The following GPALPP1 variants were observed in gnomAD, a reference collection of about 807,000 sequenced individuals.
GPALPP1 encodes GPALPP motifs-containing protein 1.
GPALPP1 carries 30 observed loss-of-function variants against 38.9 expected under a neutral mutation model. That is an observed-to-expected ratio of 0.77 (90% confidence interval 0.58 to 1.05). The LOEUF (loss-of-function observed/expected upper bound fraction) is 1.05, where lower values mean the gene tolerates loss of function less well. Among genes scored for constraint, GPALPP1 ranks in the 50% least tolerant of loss-of-function variants. GPALPP1 has a pLI of 0.00. For synonymous variants in GPALPP1, 120 were observed against 139.2 expected (o/e 0.86, Z 0.97); for missense variants, 384 against 408.8 (o/e 0.94, Z 0.52).
chr13:45,029,255 A>G lies in GPALPP1; in HGVS notation c.*1252A>G, dbSNP rs368964223. 6.6e-5 allele frequency: 10 copies of G among 152,286 alleles called. No individual in the cohort carries two copies. In the South Asian group the frequency reaches 1.0e-3, roughly 16 times the overall value. 9.4% of individuals were successfully genotyped at this position (152,286 alleles called of 1,614,324 possible). ...TTACCTCAGGGGGATTTCCCTGTGC[A>G]ATGAAGAAAAGTTGAAGAATACTCT... On this transcript the variant is annotated 3_prime_UTR_variant, in exon 8 of 8. Transcript: ENST00000379151.
chr13:45,004,903 G>A (rs59424956), intron 2 of GPALPP1, among the ~76,000 whole-genome samples: 12,618 of 151,650 alleles, frequency 0.083, 895 homozygotes, highest in African/African-American at 0.18. Flanking sequence ...TGATCTGCCC[G>A]CCTCAGCCTC....
At chr13:44,990,552 GAACACGC>G (rs1872720505) in intron 1 of GPALPP1, 1 of 152,126 alleles carries the variant, frequency 6.6e-6, no homozygotes, top group South Asian at 2.1e-4. Flanking sequence ...TCTTCTACCT[GAACACGC>G]AACAGGCACT....
At chr13:45,019,879 A>ATTTTTTTTTTTTTT in intron 6 of GPALPP1, among the ~76,000 whole-genome samples, 1 of 85,570 alleles carries the variant, frequency 1.2e-5, no homozygotes, top group Non-Finnish European at 2.0e-5. Flanking sequence ...TAATATTTTG[A>ATTTTTTTTTTTTTT]TTTTTTTTTT....
chr13:45,001,079 C>T (rs1873640689), intron 1 of GPALPP1, among the ~76,000 whole-genome samples: 1 of 152,152 alleles, frequency 6.6e-6, no homozygotes, highest in East Asian at 1.9e-4. Context: ...TCCATAATCC[C>T]TACATGTTGT....
chr13:45,027,810 T>C lies in GPALPP1; in HGVS notation c.830T>C (p.Met277Thr). The C allele has an allele frequency of 6.4e-7, 1 of 1,571,436 alleles. No individual in the cohort carries two copies. The highest frequency in any genetic ancestry group is 1.7e-5 in the Admixed American group (1 of 59,730). The change falls in exon 8 of 8, where the codon ATG becomes ACG. Residue 277 changes from methionine (M) to threonine (T), a missense_variant. Physicochemically the swap from Met to Thr is moderately conservative, Grantham distance 81. Coordinates refer to ENST00000379151, the MANE Select transcript of GPALPP1 (RefSeq NM_018559.5). Reference sequence around the variant, plus strand: ...GAATCAAAAAGATCAGAATCTCTTATGGACATACATCATAAAAAGTTAAAG... The same window carrying C: ...GAATCAAAAAGATCAGAATCTCTTACGGACATACATCATAAAAAGTTAAAG... ...YNESKRSESL[M>T]DIHHKKLKSK...
downstream of GPALPP1, chr13:45,034,146 A>G (rs899806220): frequency 2.0e-5 from 3 of 152,364 alleles, no homozygotes; most frequent in East Asian, 1.9e-4. Context: ...CATTTATTCA[A>G]TAAACATTTA....
At position 44,994,860 on chromosome 13, in the gene GPALPP1, AT is replaced by A. The variant is rs922551563; in HGVS notation, c.88+5128del. On this transcript the variant is annotated intron_variant, in intron 1 of 7. Coordinates refer to ENST00000379151, the MANE Select transcript of GPALPP1 (RefSeq NM_018559.5). ...TGAGGCATTGGAGAGAGAGCATTTT[AT>A]TTTTTTTTTGAGACGGAGTTTCGCT... Among the ~76,000 whole-genome samples, 444 of 149,122 alleles carry A rather than the reference AT, an allele frequency of 3.0e-3. 3 individuals are homozygous for A. In the South Asian group the frequency reaches 0.032, roughly 11 times the overall value.
intron 2 of GPALPP1, among the ~76,000 whole-genome samples, 179 bp from the exon 3 acceptor site, chr13:45,006,023 C>T (rs1192248127): frequency 1.5e-5 from 1 of 67,074 alleles, no homozygotes. Context: ...AAGACTTCCT[C>T]TCAAAAAATA....
Position 45,029,407 on chromosome 13 carries a change from T to G in GPALPP1, c.*1404T>G, listed in dbSNP as rs945934747. ...TCATGTGGAAACATAAAACGAATGT[T>G]TTTTATGTAGAACAGAATATTCTAT... On this transcript the variant is annotated 3_prime_UTR_variant, in exon 8 of 8. Coordinates refer to ENST00000379151, the MANE Select transcript of GPALPP1 (RefSeq NM_018559.5). 2 of 152,198 alleles carry G rather than the reference T, an allele frequency of 1.3e-5. No individual in the cohort carries two copies. The highest frequency in any genetic ancestry group is 2.4e-5 in the African/African-American group (1 of 41,444). 9.4% of individuals were successfully genotyped at this position (152,198 alleles called of 1,614,324 possible).
chr13:44,990,248 T>C (rs1215967264), intron 1 of GPALPP1: 8 of 284,666 alleles, frequency 2.8e-5, no homozygotes, highest in African/African-American at 4.4e-5. Flanking sequence ...CATTCTGTTA[T>C]TGCATCTGAC....
exon 8 of GPALPP1, chr13:45,035,326 A>G (rs538383820): frequency 6.6e-6 from 1 of 152,346 alleles, no homozygotes; most frequent in Non-Finnish European, 1.5e-5. Context: ...TCTTACACCA[A>G]AGGTCTACTC....
chr13:45,022,559 G>A lies in GPALPP1; in HGVS notation c.804+2131G>A, dbSNP rs77624489. 7.6e-3 allele frequency among the ~76,000 whole-genome samples: 1,152 copies of A among 152,194 alleles called. 15 individuals are homozygous for A. Among genetic ancestry groups the A allele is most frequent in the Non-Finnish European group, 0.011 (750 of 68,002 alleles). On this transcript the variant is annotated intron_variant, in intron 7 of 7. Transcript: ENST00000379151. ...GGTTCTAATCTGAAGCCTGAAAGCT[G>A]AAATTCCAGATACTTTCTATTCAAA...
rs768900235 is a variant in GPALPP1, at chr13:45,020,313, CTG to C, written c.706-13_706-12del. On this transcript the variant is annotated splice_polypyrimidine_tract_variant and intron_variant, in intron 6 of 7. Coordinates refer to ENST00000379151, the MANE Select transcript of GPALPP1 (RefSeq NM_018559.5). ...ATCTTATGATTCAGTAATGTGTTAT[CTG>C]TGTTCATTCCTCAGGAAACACAAGA... The C allele has an allele frequency of 3.2e-6, 3 of 933,100 alleles. No homozygotes were observed. The highest frequency in any genetic ancestry group is 1.3e-5 in the South Asian group (1 of 74,572). 57.8% of individuals were successfully genotyped at this position (933,100 alleles called of 1,614,324 possible).
At chr13:44,991,802 C>T (rs965748910) in intron 1 of GPALPP1, among the ~76,000 whole-genome samples, 2 of 152,310 alleles carry the variant, frequency 1.3e-5, no homozygotes, top group Middle Eastern at 3.4e-3. Flanking sequence ...ATCACAGATT[C>T]GTTTTGCATG....
chr13:45,007,847 A>T (rs997284551), intron 3 of GPALPP1, among the ~76,000 whole-genome samples: 2 of 152,214 alleles, frequency 1.3e-5, no homozygotes, highest in Admixed American at 6.5e-5. Flanking sequence ...AGGATGAAGA[A>T]TCTTAAAAGT....
At chr13:45,002,499 T>G (rs201736376) in intron 1 of GPALPP1, 1 of 152,200 alleles carries the variant, frequency 6.6e-6, no homozygotes, top group African/African-American at 2.4e-5. Flanking sequence ...AAACTCCTTA[T>G]TGTAGCCTGT....
chr13:45,025,737 A>G (rs1227721473), intron 7 of GPALPP1, among the ~76,000 whole-genome samples: 1 of 151,830 alleles, frequency 6.6e-6, no homozygotes, highest in Non-Finnish European at 1.5e-5. Context: ...TTGGAACTTA[A>G]GTTTTATTTC....
chr13:45,025,353 A>G (rs2138016098), intron 7 of GPALPP1, among the ~76,000 whole-genome samples: 1 of 152,304 alleles, frequency 6.6e-6, no homozygotes, highest in East Asian at 1.9e-4. Context: ...CTTAACTGTC[A>G]AGTCATTAGG....
At chr13:45,003,468 G>A (rs1170778636) in intron 1 of GPALPP1, among the ~76,000 whole-genome samples, 1 of 152,184 alleles carries the variant, frequency 6.6e-6, no homozygotes, top group African/African-American at 2.4e-5. Flanking sequence ...TAGAATATCT[G>A]AGAAAAGGGC....
Sources: allele counts gnomAD v4.1 joint callset (sites outside exome capture counted in the v4.1 genomes callset), GRCh38; gene constraint gnomAD v4.1.1; transcripts MANE v1.5; gene names NCBI Gene and HGNC (gene_info 2026-07-23, HGNC 2026-07-21).